The following N4BP2L2 variants were observed in gnomAD, a reference collection of about 807,000 sequenced individuals.
The protein encoded by N4BP2L2 is NEDD4-binding protein 2-like 2.
In N4BP2L2, 50 loss-of-function variants were observed where a neutral mutation model predicts 56.2. The observed-to-expected ratio is 0.89, with a 90% CI of 0.71 to 1.13. N4BP2L2 has a LOEUF of 1.13. N4BP2L2 is among the 50% of genes most tolerant of loss of function. The pLI is 0.00. For missense variants in N4BP2L2, 689 were observed against 693.8 expected, an observed-to-expected ratio of 0.99 and a Z score of 0.08; for synonymous variants, 203 against 223.6, an observed-to-expected ratio of 0.91 and a Z score of 0.82.
At chr13:32,447,327 T>G (rs1203079019) in intron 6 of N4BP2L2, among the ~76,000 whole-genome samples, 1 of 152,134 alleles carries the variant, frequency 6.6e-6, no homozygotes. Flanking sequence ...AGACTCCATA[T>G]GAGCAATGGG....
At chr13:32,437,796 T>A (rs993816736) in intron 8 of N4BP2L2, among the ~76,000 whole-genome samples, 4 of 152,154 alleles carry the variant, frequency 2.6e-5, no homozygotes, top group Admixed American at 6.6e-5. Context: ...ACCTTAGTCA[T>A]CCCCAGTGAG....
intron 6 of N4BP2L2, among the ~76,000 whole-genome samples, chr13:32,502,749 T>C (rs2090238567): frequency 6.6e-6 from 1 of 152,196 alleles, no homozygotes; most frequent in Non-Finnish European, 1.5e-5. Flanking sequence ...TCCCTGATAC[T>C]TCTAAGGGGC....
intron 6 of N4BP2L2, among the ~76,000 whole-genome samples, chr13:32,497,065 T>G (rs2088849696): frequency 1.3e-5 from 2 of 152,120 alleles, no homozygotes; most frequent in Non-Finnish European, 2.9e-5. Context: ...GAAAACAAGG[T>G]CTCTTTTGGT....
intron 5 of N4BP2L2, among the ~76,000 whole-genome samples, chr13:32,520,693 AAC>A: frequency 6.6e-6 from 1 of 152,032 alleles, no homozygotes; most frequent in Non-Finnish European, 1.5e-5. Context: ...AAAAAGGAAT[AAC>A]AGTCAGGAAA....
At chr13:32,487,755 T>G (rs1191246913) in intron 6 of N4BP2L2, among the ~76,000 whole-genome samples, 2 of 152,184 alleles carry the variant, frequency 1.3e-5, no homozygotes, top group African/African-American at 4.8e-5. Context: ...AGCAGGCATA[T>G]AGGAAATATG....
At chr13:32,450,385 C>T (rs1433849322) in intron 6 of N4BP2L2, among the ~76,000 whole-genome samples, 24 of 142,312 alleles carry the variant, frequency 1.7e-4, no homozygotes, top group African/African-American at 5.8e-4. Context: ...AGTGCAGTGG[C>T]GCGATCTTGG....
chr13:32,503,541 T>TACTTTTA (rs2090407546), intron 6 of N4BP2L2, among the ~76,000 whole-genome samples: 11 of 152,222 alleles, frequency 7.2e-5, no homozygotes, highest in Admixed American at 3.3e-4. Context: ...TACTTTTATA[T>TACTTTTA]TTCCACCACT....
At chr13:32,471,440 G>A (rs763521136) in intron 6 of N4BP2L2, among the ~76,000 whole-genome samples, 1 of 152,216 alleles carries the variant, frequency 6.6e-6, no homozygotes, top group African/African-American at 2.4e-5. Flanking sequence ...TACTGGGCTC[G>A]GAGCCAGTAT....
exon 2 of N4BP2L2, chr13:32,536,826 A>C: frequency 3.1e-6 from 5 of 1,614,038 alleles, no homozygotes; most frequent in Non-Finnish European, 4.2e-6. Flanking sequence ...TTCTCCTGCA[A>C]ATAACTATGT....
chr13:32,469,981 G>A (rs921508272), intron 6 of N4BP2L2, among the ~76,000 whole-genome samples: 3 of 152,158 alleles, frequency 2.0e-5, no homozygotes, highest in African/African-American at 7.2e-5. Flanking sequence ...GCAATCCACT[G>A]GTCCCTGAAC....
intron 4 of N4BP2L2, 127 bp downstream of exon 4, chr13:32,522,055 C>G: frequency 4.6e-6 from 3 of 645,760 alleles, no homozygotes; most frequent in Non-Finnish European, 8.0e-6. Flanking sequence ...ACTAAGCAAA[C>G]CAACAAACCT....
At chr13:32,534,495 T>C (rs1430449099) in intron 2 of N4BP2L2, among the ~76,000 whole-genome samples, 1 of 152,156 alleles carries the variant, frequency 6.6e-6, no homozygotes, top group Non-Finnish European at 1.5e-5. Flanking sequence ...AGACAGCCCA[T>C]GTTTGTGAGA....
rs573123543 is a variant in N4BP2L2 at position 32,512,602 on chromosome 13, T to C, written c.*5200A>G. On this transcript the variant is annotated 3_prime_UTR_variant, in exon 6 of 6. Transcript: ENST00000267068. ...TTATGAATGATTAAATAAATTTCTA[T>C]TGGATATACAAAAAGTCAAAACTTT... The C allele has an allele frequency of 3.3e-5, 5 of 152,354 alleles. No homozygotes were observed. The East Asian group carries it at 7.7e-4, about 23-fold the overall frequency. 9.4% of individuals were successfully genotyped at this position (152,354 alleles called of 1,614,324 possible). A position where few individuals can be genotyped will look rare whatever the true frequency, so the allele number is the denominator to read the frequency against.
At chr13:32,455,851 C>T (rs1229203615) in intron 6 of N4BP2L2, among the ~76,000 whole-genome samples, 1 of 152,202 alleles carries the variant, frequency 6.6e-6, no homozygotes, top group African/African-American at 2.4e-5. Context: ...CAGCCAGCAC[C>T]CACTCAAATG....
exon 7 of N4BP2L2, chr13:32,443,676 A>T: frequency 6.2e-7 from 1 of 1,609,812 alleles, no homozygotes. Flanking sequence ...AGCAGTCATC[A>T]GTTGTTACAC....
chr13:32,472,413 GT>G (rs779550151), intron 6 of N4BP2L2, among the ~76,000 whole-genome samples: 1 of 152,136 alleles, frequency 6.6e-6, no homozygotes. Context: ...TGCTGTGCTG[GT>G]TATTTTTCTT....
rs563563212 is a variant in N4BP2L2, at chr13:32,517,295, T to C, written c.*507A>G. On this transcript the variant is annotated 3_prime_UTR_variant, in exon 6 of 6. Coordinates refer to ENST00000267068, the Ensembl canonical transcript of N4BP2L2. The stretch of plus-strand genomic sequence containing the variant: ...TTTGAACTAAGTGATGTGCTGATTA[T>C]AGCTAAGAAATAATTTTGTCACACA... 398 of 987,378 alleles carry C rather than the reference T, an allele frequency of 4.0e-4. No homozygotes were observed. In the South Asian group the frequency reaches 0.014, roughly 35 times the overall value. The allele number at this position is 987,378 out of a possible 1,614,324, so 61.2% of individuals were successfully genotyped here. A position where few individuals can be genotyped will look rare whatever the true frequency, so the allele number is the denominator to read the frequency against.
chr13:32,484,987 A>G (rs2085560556), intron 6 of N4BP2L2, among the ~76,000 whole-genome samples: 4 of 152,218 alleles, frequency 2.6e-5, no homozygotes, highest in Admixed American at 6.5e-5. Flanking sequence ...AAAATTTTCA[A>G]CTTACAAAAT....
downstream of N4BP2L2, among the ~76,000 whole-genome samples, chr13:32,509,784 G>A (rs1455361377): frequency 6.6e-6 from 1 of 152,076 alleles, no homozygotes; most frequent in Non-Finnish European, 1.5e-5. Context: ...TAAAACCAAT[G>A]ACATTTCTTT....
Sources: gnomAD v4.1 joint callset for allele counts (sites outside exome capture counted in the v4.1 genomes callset) on GRCh38, gnomAD v4.1.1 for gene constraint, MANE v1.5 for transcripts, NCBI Gene and HGNC (gene_info 2026-07-23, HGNC 2026-07-21) for gene names.